Variants in PPL observed in about 807,000 individuals in gnomAD.
The protein encoded by PPL is 190 kDa paraneoplastic pemphigus antigen.
A neutral mutation model predicts 194.4 loss-of-function variants in PPL; 198 were observed. That is an observed-to-expected ratio of 1.02 (90% CI 0.91 to 1.15). The LOEUF is 1.15. Among genes scored for constraint, PPL ranks in the 50% most tolerant of loss-of-function variants. The pLI is 0.00. For synonymous variants in PPL, 1,220 were observed against 972.4 expected, an observed-to-expected ratio of 1.25 and a Z score of -4.74; for missense variants, 2,885 against 2,294.8, an observed-to-expected ratio of 1.26 and a Z score of -5.25.
At chr16:4,903,151 G>A (rs573977809) in intron 3 of PPL, among the ~76,000 whole-genome samples, 24 of 152,248 alleles carry the variant, frequency 1.6e-4, no homozygotes, top group Non-Finnish European at 2.4e-4. Context: ...AAGGACAAGT[G>A]CCAAGGGTCG....
chr16:4,932,673 C>T (rs60328440), intron 1 of PPL, among the ~76,000 whole-genome samples: 2,979 of 152,260 alleles, frequency 0.02, 112 homozygotes, highest in African/African-American at 0.068. Flanking sequence ...CCGCCTTACC[C>T]TCTCAGAGTG....
intron 1 of PPL, among the ~76,000 whole-genome samples, chr16:4,914,550 G>A (rs1014055241): frequency 1.3e-4 from 20 of 152,162 alleles, no homozygotes; most frequent in African/African-American, 4.8e-4. Flanking sequence ...GGATCTTGAG[G>A]GAACAGGACC....
Position 4,899,441 on chromosome 16 carries a change from T to G in PPL, c.607-57A>C. 5 of 1,184,222 alleles carry G rather than the reference T, an allele frequency of 4.2e-6. No homozygotes were observed. In the South Asian group the frequency reaches 7.6e-5, roughly 18 times the overall value. 73.4% of individuals were successfully genotyped at this position (1,184,222 alleles called of 1,614,324 possible). On this transcript the variant is annotated intron_variant, in intron 6 of 21. Coordinates refer to ENST00000345988, the MANE Select transcript of PPL (RefSeq NM_002705.5). Reference sequence around the variant, plus strand: ...TCCTCAGCCCGCTGCCACTGCTCGCTTCCTTCCCTACCTCCTGCAGGGCCC... The same window carrying G: ...TCCTCAGCCCGCTGCCACTGCTCGCGTCCTTCCCTACCTCCTGCAGGGCCC...
intron 3 of PPL, among the ~76,000 whole-genome samples, chr16:4,903,083 A>C (rs2088609809): frequency 6.6e-6 from 1 of 152,184 alleles, no homozygotes; most frequent in African/African-American, 2.4e-5. Context: ...AGCAGGAAAG[A>C]TCTTGTTTTC....
In PPL at chr16:4,883,553, T is replaced by C; in HGVS notation, c.5102A>G (p.Lys1701Arg). The change falls in exon 22 of 22, where the codon AAG (lysine) becomes AGG (arginine). Residue 1701 changes from lysine (K) to arginine (R), a missense_variant. Coordinates refer to ENST00000345988, the MANE Select transcript of PPL (RefSeq NM_002705.5). The surrounding 1 kb of genome is among the most constrained non-coding windows in gnomAD (Gnocchi z 4.8). ...QECDWEEISV[K>R]GPNGESSVIH... Reference sequence around the variant, plus strand: ...CACTGAGGACTCCCCATTGGGACCCTTCACTGAGATCTCCTCCCAGTCGCA... The same window carrying C: ...CACTGAGGACTCCCCATTGGGACCCCTCACTGAGATCTCCTCCCAGTCGCA... 6.2e-7 allele frequency: 1 copy of C among 1,614,154 alleles called. No individual in the cohort carries two copies. The highest frequency in any genetic ancestry group is 1.1e-5 in the South Asian group (1 of 91,086).
In PPL at chr16:4,883,322, A is replaced by T. The variant is rs45561532; in HGVS notation, c.*62T>A. ...GGCAAGGGAGAGGACGACACCAAGG[A>T]GGTCACTGCGTCGTAGGAGAGGGCC... On this transcript the variant is annotated 3_prime_UTR_variant, in exon 22 of 22. Transcript: ENST00000345988. The surrounding 1 kb of genome is among the most constrained non-coding windows in gnomAD (Gnocchi z 4.8). The T allele has an allele frequency of 0.031, 48,899 of 1,601,136 alleles. 947 individuals carry two copies. Among genetic ancestry groups the T allele is most frequent in the South Asian group, 0.06 (5,387 of 90,460 alleles).
chr16:4,929,420 C>T (rs185328080), intron 1 of PPL, among the ~76,000 whole-genome samples: 153 of 152,162 alleles, frequency 1.0e-3, no homozygotes, highest in Non-Finnish European at 1.7e-3. Context: ...CTGTGCCCCC[C>T]GCCAGCTGTG....
At position 4,920,371 on chromosome 16, in the gene PPL, G is replaced by GAAAGAAAGAAAGAAAGCAAGAAAGAAA; in HGVS notation, c.63-9423_63-9422insTTTCTTTCTTGCTTTCTTTCTTTCTTT. Among the ~76,000 whole-genome samples, 2 of 94,234 alleles carry GAAAGAAAGAAAGAAAGCAAGAAAGAAA rather than the reference G, an allele frequency of 2.1e-5. 1 individual carries two copies. Among genetic ancestry groups the GAAAGAAAGAAAGAAAGCAAGAAAGAAA allele is most frequent in the Non-Finnish European group, 4.8e-5 (2 of 41,924 alleles). 61.8% of individuals were successfully genotyped at this position (94,234 alleles called of 152,430 possible). A position where few individuals can be genotyped will look rare whatever the true frequency, so the allele number is the denominator to read the frequency against. The stretch of plus-strand genomic sequence containing the variant: ...AGAAAGAAAGAAAGAAAGAAAGAAA[G>GAAAGAAAGAAAGAAAGCAAGAAAGAAA]GACACCTCGGTCAAATTTCAAAGAC... On this transcript the variant is annotated intron_variant, in intron 1 of 21. Coordinates refer to ENST00000345988, the MANE Select transcript of PPL (RefSeq NM_002705.5).
chr16:4,927,572 C>G (rs2089175414), intron 1 of PPL, among the ~76,000 whole-genome samples: 1 of 152,232 alleles, frequency 6.6e-6, no homozygotes, highest in African/African-American at 2.4e-5. Context: ...TGTGAGAAAG[C>G]AGTACACAGA....
chr16:4,895,683 G>T lies in PPL; in HGVS notation c.1006C>A (p.Leu336Met). 2 of 1,614,016 alleles carry T rather than the reference G, an allele frequency of 1.2e-6. No homozygotes were observed. The highest frequency in any genetic ancestry group is 1.7e-6 in the Non-Finnish European group (2 of 1,180,034). Residue 336 changes from leucine (L) to methionine (M), a missense_variant, in exon 10 of 22, where the codon CTG becomes ATG. By Grantham distance (15) the Leu-to-Met change is conservative. Coordinates refer to ENST00000345988, the MANE Select transcript of PPL (RefSeq NM_002705.5). ...HEDVKDAQEL[L>M]RKVDSDLNQK... ...TTCAGGTCCGAGTCCACCTTGCGCA[G>T]CAGCTCCTGAGCGTCCTTCACGTCT...
intron 17 of PPL, 136 bp from the exon 18 acceptor site, chr16:4,890,470 G>T: frequency 8.3e-7 from 1 of 1,200,056 alleles, no homozygotes; most frequent in Non-Finnish European, 1.1e-6. Context: ...CAGGGTGGGT[G>T]GTCATTAGGG....
At chr16:4,928,395 T>C (rs891677846) in intron 1 of PPL, among the ~76,000 whole-genome samples, 35 of 152,172 alleles carry the variant, frequency 2.3e-4, no homozygotes, top group African/African-American at 8.2e-4. Context: ...CCCAGACACT[T>C]TGAGAGGGCT....
intron 1 of PPL, among the ~76,000 whole-genome samples, chr16:4,913,116 CAAGAA>C (rs941342856): frequency 2.8e-4 from 42 of 150,982 alleles, no homozygotes; most frequent in African/African-American, 9.0e-4. Flanking sequence ...AAAAAAAAAA[CAAGAA>C]AAGAAAAAAA....
Position 4,910,965 on chromosome 16 carries a change from G to T in PPL, c.63-16C>A. 3.1e-6 allele frequency: 5 copies of T among 1,605,436 alleles called. No homozygotes were observed. The highest frequency in any genetic ancestry group is 3.5e-4 in the Middle Eastern group (2 of 5,736). On this transcript the variant is annotated splice_polypyrimidine_tract_variant and intron_variant, in intron 1 of 21. Coordinates refer to ENST00000345988, the MANE Select transcript of PPL (RefSeq NM_002705.5). ...GTTAGAGATGCTGCGGGCAGAAGCC[G>T]AGGGGAGATGGGCGGGGTGCCTGGT... is the stretch of plus-strand genomic sequence containing the variant.
In PPL at chr16:4,888,966, T is replaced by TTCC. The variant is rs750023261; in HGVS notation, c.2397+9_2397+11dup. The TTCC allele has an allele frequency of 7.9e-5, 127 of 1,612,414 alleles. No individual in the cohort carries two copies. The Admixed American group carries it at 1.3e-3, about 17-fold the overall frequency. Reference sequence around the variant, plus strand: ...TGCTGTTTGTGCTTTGGGCGGAAGTTTCCCGGCTCACCTTTACAGCTTGCT... The same window carrying TTCC: ...TGCTGTTTGTGCTTTGGGCGGAAGTTTCCTCCCGGCTCACCTTTACAGCTTGCT... On this transcript the variant is annotated intron_variant, in intron 19 of 21. Coordinates refer to ENST00000345988, the MANE Select transcript of PPL (RefSeq NM_002705.5).
chr16:4,925,801 G>T (rs949532491), intron 1 of PPL, among the ~76,000 whole-genome samples: 1 of 152,128 alleles, frequency 6.6e-6, no homozygotes, highest in Non-Finnish European at 1.5e-5. Context: ...AGTACAAAGG[G>T]GACATCAGTA....
chr16:4,925,763 A>G (rs2089144387), intron 1 of PPL, among the ~76,000 whole-genome samples: 3 of 152,174 alleles, frequency 2.0e-5, no homozygotes, highest in Admixed American at 2.0e-4. Flanking sequence ...CGAACCCATG[A>G]AGACGGGCTT....
intron 1 of PPL, among the ~76,000 whole-genome samples, chr16:4,914,242 A>G (rs6500640): frequency 0.86 from 130,236 of 152,182 alleles, 56,852 homozygotes; most frequent in East Asian, 0.99. Flanking sequence ...TGCTCCCCAG[A>G]TCAAGGTTCT....
In PPL at chr16:4,897,745, T is replaced by C. The variant is rs1207525980; in HGVS notation, c.902A>G (p.Asp301Gly). Reference protein sequence around the residue: ...IEAHMEAVHADWKEYLNLLIC... With the variant: ...IEAHMEAVHAGWKEYLNLLIC... ...GAGCAGGTTCAGGTACTCCTTCCAGTCTGCGTGCACAGCCTCCATGTGCGC... is the reference window on the plus strand; with the variant it reads ...GAGCAGGTTCAGGTACTCCTTCCAGCCTGCGTGCACAGCCTCCATGTGCGC... Residue 301 changes from aspartate to glycine, a missense_variant, in exon 9 of 22, where the codon GAC (aspartate) becomes GGC (glycine). Coordinates refer to ENST00000345988, the MANE Select transcript of PPL (RefSeq NM_002705.5). The C allele has an allele frequency of 1.2e-6, 2 of 1,613,834 alleles. No homozygotes were observed. Among genetic ancestry groups the C allele is most frequent in the South Asian group, 1.1e-5 (1 of 91,058 alleles).
Sources: gnomAD v4.1 joint callset for allele counts (sites outside exome capture counted in the v4.1 genomes callset) on GRCh38, gnomAD v4.1.1 for gene constraint, Gnocchi (gnomAD v3.1) non-coding constraint, MANE v1.5 for transcripts, NCBI Gene and HGNC (gene_info 2026-07-23, HGNC 2026-07-21) for gene names.